NRCAM: variants seen among roughly 807,000 people sequenced by gnomAD.
NRCAM encodes the protein neuronal cell adhesion molecule, also known as NgCAM-related cell adhesion molecule.
Under a neutral mutation model 156.5 loss-of-function variants are expected in NRCAM, and 83 were observed. The ratio of observed to expected loss-of-function variants is 0.53; its 90% CI spans 0.44 to 0.64. The LOEUF (loss-of-function observed/expected upper bound fraction) is 0.64, where lower values mean the gene tolerates loss of function less well. Ranked by LOEUF, NRCAM falls within the 30% of genes least tolerant of loss-of-function variation. The pLI is 0.00. For synonymous variants in NRCAM, 538 were observed against 563.9 expected (o/e 0.95, Z 0.65); for missense variants, 1,417 against 1,597.3 (o/e 0.89, Z 1.92).
rs562936479 is a variant in NRCAM, at chr7:108,303,159, A to G, written c.-107+9506T>C. On this transcript the variant is annotated intron_variant, in intron 3 of 32. Transcript: ENST00000379028. ...ATATTTTTAGTAGAGATGGGGTTTC[A>G]CCATGTTGGCCAGGCTGGTCTTGAA... Among the ~76,000 whole-genome samples, 8 of 152,108 alleles carry G rather than the reference A, an allele frequency of 5.3e-5. No individual in the cohort carries two copies. In the South Asian group the frequency reaches 1.5e-3, roughly 28 times the overall value.
At chr7:108,252,523 C>A (rs1287042254) in intron 3 of NRCAM, among the ~76,000 whole-genome samples, 2 of 152,038 alleles carry the variant, frequency 1.3e-5, no homozygotes, top group Admixed American at 1.3e-4. Flanking sequence ...ACATGTACTC[C>A]CAAACCTAAA....
chr7:108,289,983 C>G (rs553202286), intron 3 of NRCAM, among the ~76,000 whole-genome samples: 197 of 152,150 alleles, frequency 1.3e-3, no homozygotes, highest in Non-Finnish European at 2.3e-3. Flanking sequence ...AAAAAAGAAG[C>G]CCATGAAGAG....
chr7:108,324,174 A>G (rs4727708), intron 2 of NRCAM, among the ~76,000 whole-genome samples: 136,374 of 152,146 alleles, frequency 0.9, 61,195 homozygotes, highest in East Asian at 1. Context: ...AATAGGCTGT[A>G]TTGAGAATAG....
intron 8 of NRCAM, among the ~76,000 whole-genome samples, chr7:108,228,275 T>C (rs2093789891): frequency 6.6e-6 from 1 of 152,064 alleles, no homozygotes; most frequent in Non-Finnish European, 1.5e-5. Context: ...TGAGCTGAGA[T>C]TGTGCCACTG....
At chr7:108,446,221 C>A (rs548209196) in intron 1 of NRCAM, among the ~76,000 whole-genome samples, 8 of 152,312 alleles carry the variant, frequency 5.3e-5, no homozygotes, top group Middle Eastern at 3.4e-3. Context: ...TTAAATAGTA[C>A]CCTTCTGGAT....
intron 3 of NRCAM, among the ~76,000 whole-genome samples, chr7:108,252,776 A>G (rs2284284): frequency 0.38 from 57,766 of 152,178 alleles, 12,648 homozygotes; most frequent in African/African-American, 0.6. Context: ...AAACGGTCAC[A>G]TTTGAAAGAA....
At chr7:108,385,048 G>A (rs1241273095) in intron 2 of NRCAM, among the ~76,000 whole-genome samples, 1 of 152,152 alleles carries the variant, frequency 6.6e-6, no homozygotes. Context: ...AAAGTAAGAG[G>A]CAGAACTAGA....
intron 15 of NRCAM, among the ~76,000 whole-genome samples, 199 bp downstream of exon 15, chr7:108,195,562 G>A (rs2153471730): frequency 6.6e-6 from 1 of 152,150 alleles, no homozygotes; most frequent in African/African-American, 2.4e-5. Context: ...GCTGCAGTGA[G>A]CTGTGATTGT....
At chr7:108,296,661 T>A (rs1281279275) in intron 3 of NRCAM, among the ~76,000 whole-genome samples, 2 of 152,158 alleles carry the variant, frequency 1.3e-5, no homozygotes, top group African/African-American at 4.8e-5. Flanking sequence ...GTCTTGAGAA[T>A]AGATATTTTT....
chr7:108,316,490 T>G (rs2098923223), intron 2 of NRCAM, among the ~76,000 whole-genome samples: 1 of 152,080 alleles, frequency 6.6e-6, no homozygotes, highest in Non-Finnish European at 1.5e-5. Context: ...AACCTAAAAG[T>G]TCAGGCCGGG....
intron 3 of NRCAM, among the ~76,000 whole-genome samples, chr7:108,253,769 T>C (rs1261045924): frequency 6.6e-6 from 1 of 152,182 alleles, no homozygotes; most frequent in Non-Finnish European, 1.5e-5. Flanking sequence ...TACAGATGGA[T>C]GGATGCCTGA....
chr7:108,279,893 G>A (rs1466572465), intron 3 of NRCAM, among the ~76,000 whole-genome samples: 1 of 152,094 alleles, frequency 6.6e-6, no homozygotes, highest in Non-Finnish European at 1.5e-5. Flanking sequence ...TAAAGGAGGA[G>A]AGTATTATTT....
intron 2 of NRCAM, among the ~76,000 whole-genome samples, chr7:108,337,380 C>G (rs542398231): frequency 6.6e-6 from 1 of 152,146 alleles, no homozygotes; most frequent in African/African-American, 2.4e-5. Flanking sequence ...ATGTTTGTTA[C>G]GGCTCGAGCT....
chr7:108,186,888 A>C (rs1197498548), intron 20 of NRCAM, among the ~76,000 whole-genome samples: 1 of 152,248 alleles, frequency 6.6e-6, no homozygotes, highest in Non-Finnish European at 1.5e-5. Context: ...TTATCACAGC[A>C]AACGCTTTGC....
At chr7:108,182,104 ATTTT>A (rs5886443) in intron 23 of NRCAM, among the ~76,000 whole-genome samples, 167 bp from the exon 24 acceptor site, 12 of 150,226 alleles carry the variant, frequency 8.0e-5, no homozygotes, top group African/African-American at 2.5e-4. Context: ...TTTGTGAGAG[ATTTT>A]TTTTTTTTAA....
chr7:108,205,635 A>G (rs2080718801), intron 13 of NRCAM, among the ~76,000 whole-genome samples: 2 of 152,176 alleles, frequency 1.3e-5, no homozygotes, highest in Admixed American at 6.5e-5. Context: ...TTAAACTTCC[A>G]TAAATGGACA....
intron 11 of NRCAM, among the ~76,000 whole-genome samples, chr7:108,221,865 GA>G (rs1164131568): frequency 6.9e-6 from 1 of 145,136 alleles, no homozygotes; most frequent in Non-Finnish European, 1.5e-5. Context: ...ATAACCTATG[GA>G]AAATAAAAAA....
intron 2 of NRCAM, among the ~76,000 whole-genome samples, chr7:108,367,643 C>T (rs1030908286): frequency 3.3e-5 from 5 of 152,140 alleles, no homozygotes; most frequent in African/African-American, 9.7e-5. Context: ...ACATTCTTAT[C>T]TGTAAACCCA....
At chr7:108,456,642 C>G (rs1397243437), upstream of NRCAM, 2 of 152,244 alleles carry the variant, frequency 1.3e-5, no homozygotes, top group Non-Finnish European at 2.9e-5. Flanking sequence ...CAGCCGCCGG[C>G]GCCTCGAGGG....
Sources: gnomAD v4.1 joint callset for allele counts (sites outside exome capture counted in the v4.1 genomes callset) on GRCh38, gnomAD v4.1.1 for gene constraint, MANE v1.5 for transcripts, NCBI Gene and HGNC (gene_info 2026-07-23, HGNC 2026-07-21) for gene names.